The following SEL1L3 variants were observed in gnomAD, a reference collection of about 807,000 sequenced individuals.
The protein encoded by SEL1L3 is protein sel-1 homolog 3.
SEL1L3 carries 76 observed loss-of-function variants against 142.8 expected under a neutral mutation model. The ratio of observed to expected loss-of-function variants is 0.53; its 90% confidence interval spans 0.44 to 0.64. The LOEUF (loss-of-function observed/expected upper bound fraction) is 0.64. Among genes scored for constraint, SEL1L3 ranks in the 30% least tolerant of loss-of-function variants. The pLI is 0.00. For missense variants in SEL1L3, 1,262 were observed against 1,381.7 expected (o/e 0.91, Z 1.37); for synonymous variants, 504 against 519.6 (o/e 0.97, Z 0.41).
intron 1 of SEL1L3, among the ~76,000 whole-genome samples, chr4:25,855,723 T>G (rs973994703): frequency 2.6e-5 from 4 of 151,780 alleles, no homozygotes; most frequent in African/African-American, 9.7e-5. Context: ...ATTGTGCCAC[T>G]GCACTCCAGC....
At chr4:25,779,037 T>C in intron 16 of SEL1L3, 39 bp downstream of exon 16, 1 of 1,607,448 alleles carries the variant, frequency 6.2e-7, no homozygotes, top group Non-Finnish European at 8.5e-7. Context: ...ATATAGGATA[T>C]GGCTTTCCCT....
intron 1 of SEL1L3, among the ~76,000 whole-genome samples, chr4:25,861,058 G>T (rs1202175936): frequency 6.6e-6 from 1 of 152,178 alleles, no homozygotes; most frequent in Non-Finnish European, 1.5e-5. Flanking sequence ...GCCAGGTCTT[G>T]AGATGTCCAC....
intron 5 of SEL1L3, among the ~76,000 whole-genome samples, chr4:25,831,978 A>G (rs1715477871): frequency 6.6e-6 from 1 of 152,236 alleles, no homozygotes; most frequent in Admixed American, 6.5e-5. Context: ...CAGGGACAAC[A>G]GCACTGAGCT....
chr4:25,830,940 T>C (rs576636231), intron 5 of SEL1L3, among the ~76,000 whole-genome samples: 9 of 152,358 alleles, frequency 5.9e-5, no homozygotes, highest in African/African-American at 2.2e-4. Flanking sequence ...AGGCAGACTA[T>C]GCTAGTCCCA....
chr4:25,811,458 T>G (rs1415211247), intron 9 of SEL1L3, among the ~76,000 whole-genome samples: 1 of 151,984 alleles, frequency 6.6e-6, no homozygotes, highest in Non-Finnish European at 1.5e-5. Flanking sequence ...GGAAGCAGAG[T>G]AAGTCCATAG....
chr4:25,856,987 C>T (rs1171672037), intron 1 of SEL1L3, among the ~76,000 whole-genome samples: 1 of 152,144 alleles, frequency 6.6e-6, no homozygotes, highest in Non-Finnish European at 1.5e-5. Context: ...GTGGGTATGA[C>T]AAGAAAACAA....
intron 19 of SEL1L3, among the ~76,000 whole-genome samples, chr4:25,766,918 C>T (rs568772966): frequency 2.2e-4 from 33 of 152,292 alleles, no homozygotes; most frequent in African/African-American, 5.3e-4. Context: ...TGCAGAGCAG[C>T]GTAGAGGAAT....
intron 11 of SEL1L3, among the ~76,000 whole-genome samples, chr4:25,797,906 A>C (rs545555369): frequency 1.1e-4 from 17 of 152,290 alleles, no homozygotes; most frequent in Non-Finnish European, 2.5e-4. Flanking sequence ...ATGTGCCTAG[A>C]TGTGACGGTG....
At chr4:25,764,289 G>T (rs530327888) in intron 20 of SEL1L3, among the ~76,000 whole-genome samples, 1 of 152,264 alleles carries the variant, frequency 6.6e-6, no homozygotes, top group East Asian at 1.9e-4. Flanking sequence ...AATCTAATGT[G>T]GGATCCTGGA....
At chr4:25,833,775 T>C (rs575562790) in intron 3 of SEL1L3, among the ~76,000 whole-genome samples, 2 of 152,334 alleles carry the variant, frequency 1.3e-5, no homozygotes, top group South Asian at 4.1e-4. Context: ...GGAGTTAAGC[T>C]TCATTGTACA....
chr4:25,763,962 G>T (rs1718552769), intron 20 of SEL1L3, among the ~76,000 whole-genome samples: 1 of 152,134 alleles, frequency 6.6e-6, no homozygotes, highest in African/African-American at 2.4e-5. Flanking sequence ...TGCAGCAGAG[G>T]GTAACAACTA....
At chr4:25,850,591 C>T (rs543670026) in intron 1 of SEL1L3, among the ~76,000 whole-genome samples, 2 of 152,122 alleles carry the variant, frequency 1.3e-5, no homozygotes, top group Admixed American at 6.5e-5. Flanking sequence ...GGAGTTTAAC[C>T]TACTAATACA....
At chr4:25,858,152 C>T (rs1456110390) in intron 1 of SEL1L3, among the ~76,000 whole-genome samples, 1 of 152,224 alleles carries the variant, frequency 6.6e-6, no homozygotes, top group Non-Finnish European at 1.5e-5. Flanking sequence ...AGCGAATTGC[C>T]TGGGTTATTC....
At chr4:25,837,314 T>A (rs1265830720) in intron 2 of SEL1L3, among the ~76,000 whole-genome samples, 1 of 144,440 alleles carries the variant, frequency 6.9e-6, no homozygotes, top group East Asian at 2.0e-4. Flanking sequence ...TGGTGATGGC[T>A]GTTGAGTGAT....
At chr4:25,744,876 G>A (rs1395238377), downstream of SEL1L3, among the ~76,000 whole-genome samples, 1 of 152,238 alleles carries the variant, frequency 6.6e-6, no homozygotes, top group East Asian at 1.9e-4. Flanking sequence ...AGAGGACTTA[G>A]AAGGAATTAA....
At chr4:25,792,735 T>C (rs779457283) in intron 11 of SEL1L3, among the ~76,000 whole-genome samples, 21 of 152,242 alleles carry the variant, frequency 1.4e-4, no homozygotes, top group Middle Eastern at 3.2e-3. Context: ...ACTCCACTTA[T>C]GGATGCAGAA....
At chr4:25,800,303 G>A (rs1713087475) in intron 11 of SEL1L3, among the ~76,000 whole-genome samples, 1 of 152,140 alleles carries the variant, frequency 6.6e-6, no homozygotes, top group Non-Finnish European at 1.5e-5. Flanking sequence ...TTCTTAAGAA[G>A]CCATTAATTA....
the SEL1L3 span, among the ~76,000 whole-genome samples, chr4:25,727,619 T>C: frequency 6.6e-6 from 1 of 152,190 alleles, no homozygotes; most frequent in African/African-American, 2.4e-5. Context: ...CCTGGCTGCC[T>C]TTGTCTGTGA....
chr4:25,811,329 C>T (rs1560321365), intron 9 of SEL1L3, among the ~76,000 whole-genome samples: 1 of 152,182 alleles, frequency 6.6e-6, no homozygotes, highest in Admixed American at 6.5e-5. Context: ...TGGCAAACAG[C>T]GTCCTGGTAG....
Sources: allele counts gnomAD v4.1 joint callset (sites outside exome capture counted in the v4.1 genomes callset), GRCh38; gene constraint gnomAD v4.1.1; transcripts MANE v1.5; gene names NCBI Gene and HGNC (gene_info 2026-07-23, HGNC 2026-07-21).